Variants in CPAMD8 observed in about 807,000 individuals in gnomAD.
CPAMD8 encodes C3 and PZP-like alpha-2-macroglobulin domain-containing protein 8.
A neutral mutation model predicts 224.7 loss-of-function variants in CPAMD8; 146 were observed. That is an observed-to-expected ratio of 0.65 (90% CI 0.57 to 0.75). The LOEUF (loss-of-function observed/expected upper bound fraction) is 0.75, where lower values mean the gene tolerates loss of function less well. Ranked by LOEUF, CPAMD8 falls within the 30% of genes least tolerant of loss-of-function variation. The pLI, the probability that CPAMD8 is intolerant of heterozygous loss-of-function variation, is 0.00. For synonymous variants in CPAMD8, 966 were observed against 1,044.6 expected, an observed-to-expected ratio of 0.92 and a Z score of 1.45; for missense variants, 2,301 against 2,537.5, an observed-to-expected ratio of 0.91 and a Z score of 2.00.
In CPAMD8 at chr19:16,945,554, C is replaced by T. The variant is rs765900082; in HGVS notation, c.2788G>A (p.Val930Ile). 2 of 1,614,012 alleles carry T rather than the reference C, an allele frequency of 1.2e-6. No individual in the cohort carries two copies. The highest frequency in any genetic ancestry group is 8.5e-7 in the Non-Finnish European group (1 of 1,179,902). Residue 930 changes from valine to isoleucine, a missense_variant, in exon 22 of 42, where the codon GTT (valine) becomes ATT (isoleucine). By Grantham distance (29) the Val-to-Ile change is conservative. Around this residue, in one of 4 missense-constraint regions of CPAMD8, gnomAD observed 1,709 missense variants for 1,753.2 expected, o/e 0.97. Transcript: ENST00000443236. Reference sequence around the variant, plus strand: ...AGATGAGGACACGGCCTTACCTCAACCATCACACTGCGCCTGACGTGATCC... The same window carrying T: ...AGATGAGGACACGGCCTTACCTCAATCATCACACTGCGCCTGACGTGATCC... The part of the protein sequence containing the change: ...GVDHVRRSVM[V>I]EAEGVPRAYT...
At chr19:16,929,288 T>A in intron 23 of CPAMD8, 48 bp from the exon 24 acceptor site, 1 of 1,478,578 alleles carries the variant, frequency 6.8e-7, no homozygotes, top group Non-Finnish European at 9.2e-7. Context: ...CCTGGAGGCA[T>A]CCCACTTTCC....
intron 41 of CPAMD8, chr19:16,894,901 TAC>T (rs1418051153): frequency 3.7e-5 from 7 of 189,510 alleles, no homozygotes; most frequent in Middle Eastern, 2.2e-3. Context: ...TTGGGCAACA[TAC>T]AGAGACCCCA....
chr19:16,928,011 A>G lies in CPAMD8; in HGVS notation c.3368T>C (p.Ile1123Thr). The change falls in exon 25 of 42, where the codon ATC (isoleucine) becomes ACC (threonine). Residue 1123 changes from isoleucine to threonine, a missense_variant and splice_region_variant. Around this residue, in one of 4 missense-constraint regions of CPAMD8, gnomAD observed 1,709 missense variants for 1,753.2 expected, o/e 0.97. Transcript: ENST00000443236. ...GCCAGGCTGTGGGACAGACGCACCG[A>G]TGATGGAGGCGGTGGCTCGCTCAGA... is the stretch of plus-strand genomic sequence containing the variant. ...PGSERATASI[I>T]GDVMGPTLNH... The G allele has an allele frequency of 3.1e-6, 5 of 1,610,164 alleles. No individual in the cohort carries two copies. The highest frequency in any genetic ancestry group is 4.2e-6 in the Non-Finnish European group (5 of 1,176,506).
chr19:16,927,227 A>T (rs946287856), intron 25 of CPAMD8, among the ~76,000 whole-genome samples: 4 of 152,026 alleles, frequency 2.6e-5, no homozygotes, highest in African/African-American at 9.7e-5. Context: ...TAACTGAATT[A>T]TGGGGGCGGC....
At chr19:16,986,859 A>T (rs2055738575) in intron 13 of CPAMD8, among the ~76,000 whole-genome samples, 1 of 151,924 alleles carries the variant, frequency 6.6e-6, no homozygotes. Context: ...ATGTATCTTA[A>T]ATATAGATGT....
At chr19:16,904,659 C>A in intron 30 of CPAMD8, 107 bp from the exon 31 acceptor site, 1 of 770,812 alleles carries the variant, frequency 1.3e-6, no homozygotes, top group East Asian at 2.6e-5. Context: ...TTGTGGGACC[C>A]CAGTGGGAGA....
rs368338696 is a variant in CPAMD8 at position 16,977,437 on chromosome 19, G to A, written c.1689C>T (p.Tyr563=). The A allele has an allele frequency of 6.2e-6, 10 of 1,612,372 alleles. No individual in the cohort carries two copies. The highest frequency in any genetic ancestry group is 4.5e-5 in the East Asian group (2 of 44,850). Residue 563 remains tyrosine, a synonymous_variant, in exon 15 of 42, where the codon TAC becomes TAT. Transcript: ENST00000443236. ...CGACCCCTTCTCCATTCTCCCTGAC[G>A]TAGAAGACCAGCAGGCGACCAAGGG... ...MVPLGRLLVF[Y]VRENGEGVAD...
intron 1 of CPAMD8, 105 bp downstream of exon 1, chr19:17,026,446 G>T: frequency 9.8e-6 from 12 of 1,219,474 alleles, no homozygotes; most frequent in Non-Finnish European, 1.3e-5. Context: ...AGCCCAGCGC[G>T]GAGGCTGTGT....
chr19:16,903,440 A>C, intron 34 of CPAMD8, 121 bp downstream of exon 34: 1 of 1,431,920 alleles, frequency 7.0e-7, no homozygotes, highest in Non-Finnish European at 9.6e-7. Flanking sequence ...CCTGTCCTGC[A>C]GTCTGGCATG....
At chr19:16,994,029 G>A (rs1196208510) in intron 11 of CPAMD8, among the ~76,000 whole-genome samples, 1 of 152,110 alleles carries the variant, frequency 6.6e-6, no homozygotes, top group Non-Finnish European at 1.5e-5. Flanking sequence ...CTTGAGTCTG[G>A]GACTTCAAGG....
intron 29 of CPAMD8, 152 bp from the exon 30 acceptor site, chr19:16,907,269 C>A: frequency 2.5e-6 from 2 of 805,000 alleles, no homozygotes; most frequent in Non-Finnish European, 3.4e-6. Flanking sequence ...CCTGCAGACC[C>A]AATTTTCAAA....
Position 16,896,262 on chromosome 19 carries a change from C to A in CPAMD8, c.5340G>T (p.Gly1780=). The A allele has an allele frequency of 6.2e-7, 1 of 1,613,532 alleles. No homozygotes were observed. The highest frequency in any genetic ancestry group is 8.5e-7 in the Non-Finnish European group (1 of 1,179,998). The change falls in exon 41 of 42, where the codon GGG becomes GGT. Residue 1780 remains glycine (G), a synonymous_variant. Transcript: ENST00000443236. ...TCAGCTTCACGTCCTGCTGTAAAGGCCCCGGGGCCACAGAAGCCAGGTCAT... is the reference window on the plus strand; with the variant it reads ...TCAGCTTCACGTCCTGCTGTAAAGGACCCGGGGCCACAGAAGCCAGGTCAT... ...YGDDLASVAP[G]PLQQDVKLNG... is the part of the protein sequence containing the mutation.
At chr19:16,900,522 G>A (rs896233832) in intron 36 of CPAMD8, among the ~76,000 whole-genome samples, 2 of 151,942 alleles carry the variant, frequency 1.3e-5, no homozygotes, top group African/African-American at 4.8e-5. Flanking sequence ...TGCTTGAACC[G>A]GGGAGGTGGA....
At chr19:16,979,372 A>G (rs897456881) in intron 14 of CPAMD8, among the ~76,000 whole-genome samples, 1 of 138,674 alleles carries the variant, frequency 7.2e-6, no homozygotes, top group Non-Finnish European at 1.5e-5. Flanking sequence ...CTGTCCATCC[A>G]TCCATCTGTC....
chr19:17,002,178 AGG>A, intron 9 of CPAMD8, 86 bp downstream of exon 9: 1 of 852,942 alleles, frequency 1.2e-6, no homozygotes, highest in Non-Finnish European at 1.9e-6. Flanking sequence ...GAGGCAGCAG[AGG>A]AGGGGAACGA....
chr19:16,938,359 G>A (rs374371269), intron 23 of CPAMD8, 36 bp downstream of exon 23: 2 of 1,328,596 alleles, frequency 1.5e-6, no homozygotes, highest in African/African-American at 3.1e-5. Flanking sequence ...CCAGCCAGGT[G>A]GCCACACCTT....
In CPAMD8 at chr19:16,970,995, C is replaced by A. The variant is rs762458861; in HGVS notation, c.2109G>T (p.Leu703=). ...GLVVMTDRVS[L]NHRQDGGLYT... is the part of the protein sequence containing the mutation. ...AGAGGCCACCGTCCTGCCGGTGGTT[C>A]AGGCTCACTCGGTCGGTCATCACCA... is the stretch of plus-strand genomic sequence containing the variant. Residue 703 remains leucine (L), a synonymous_variant, in exon 18 of 42, where the codon CTG becomes CTT. Transcript: ENST00000443236. 27 of 1,612,594 alleles carry A rather than the reference C, an allele frequency of 1.7e-5. No individual in the cohort carries two copies. The highest frequency in any genetic ancestry group is 3.3e-4 in the Middle Eastern group (2 of 6,078).
intron 10 of CPAMD8, among the ~76,000 whole-genome samples, chr19:16,999,296 T>A (rs1428066993): frequency 6.6e-6 from 1 of 152,116 alleles, no homozygotes; most frequent in Non-Finnish European, 1.5e-5. Flanking sequence ...ACCATCAAGC[T>A]GTGGCCAGGC....
intron 22 of CPAMD8, among the ~76,000 whole-genome samples, chr19:16,941,959 G>C (rs569009458): frequency 1.3e-5 from 2 of 152,032 alleles, no homozygotes; most frequent in Admixed American, 1.3e-4. Context: ...GCGACAGAGC[G>C]AGACTCCATC....
Sources: gnomAD v4.1 joint callset for allele counts (sites outside exome capture counted in the v4.1 genomes callset) on GRCh38, gnomAD v4.1.1 for gene constraint, gnomAD v4.1.1 regional missense constraint, MANE v1.5 for transcripts, NCBI Gene and HGNC (gene_info 2026-07-23, HGNC 2026-07-21) for gene names.